Variants in SGCZ observed in about 807,000 individuals in gnomAD.
SGCZ encodes the protein sarcoglycan zeta.
In SGCZ, 40 loss-of-function variants were observed where a neutral mutation model predicts 41.3. The ratio of observed to expected loss-of-function variants is 0.97; its 90% CI spans 0.75 to 1.26. The LOEUF (loss-of-function observed/expected upper bound fraction) is 1.26. SGCZ is among the 50% of genes most tolerant of loss of function. The probability of loss-of-function intolerance (pLI) is 0.00; values close to 1 mark genes in which losing one functional copy is unlikely to be tolerated. For missense variants in SGCZ, 552 were observed against 369.8 expected (o/e 1.49, Z -4.04); for synonymous variants, 206 against 137.5 (o/e 1.50, Z -3.49).
At chr8:14,946,084 C>A (rs1469286016) in intron 1 of SGCZ, among the ~76,000 whole-genome samples, 1 of 110,112 alleles carries the variant, frequency 9.1e-6, no homozygotes, top group Admixed American at 1.1e-4. Flanking sequence ...TTGGTTCTGT[C>A]CTATAGGGGC....
At chr8:14,798,736 T>A (rs1259474889) in intron 1 of SGCZ, among the ~76,000 whole-genome samples, 1 of 150,048 alleles carries the variant, frequency 6.7e-6, no homozygotes, top group African/African-American at 2.4e-5. Context: ...TTCATTTTTA[T>A]ATTAGATTAT....
At chr8:14,891,887 G>A (rs1805032150) in intron 1 of SGCZ, among the ~76,000 whole-genome samples, 1 of 152,134 alleles carries the variant, frequency 6.6e-6, no homozygotes, top group African/African-American at 2.4e-5. Context: ...CTCACTGAAG[G>A]CTCAGATGGT....
At chr8:14,752,698 T>A (rs990208493) in intron 1 of SGCZ, among the ~76,000 whole-genome samples, 3 of 152,130 alleles carry the variant, frequency 2.0e-5, no homozygotes, top group African/African-American at 7.2e-5. Context: ...GAAGGCAGAA[T>A]GAATTCTAGA....
At chr8:14,750,832 C>T (rs1179113060) in intron 1 of SGCZ, among the ~76,000 whole-genome samples, 2 of 152,104 alleles carry the variant, frequency 1.3e-5, no homozygotes, top group Non-Finnish European at 2.9e-5. Flanking sequence ...TATTACTGTG[C>T]CTATTCAGGT....
intron 2 of SGCZ, among the ~76,000 whole-genome samples, chr8:14,360,642 A>G (rs1049889747): frequency 1.3e-5 from 2 of 151,926 alleles, no homozygotes; most frequent in African/African-American, 4.8e-5. Flanking sequence ...TTATTTATTT[A>G]TTTATTTTTT....
chr8:14,398,142 G>T (rs28576208), intron 2 of SGCZ, among the ~76,000 whole-genome samples: 6,038 of 152,188 alleles, frequency 0.04, 365 homozygotes, highest in African/African-American at 0.13. Flanking sequence ...AAACAAAAGA[G>T]TGGAAGGGAA....
intron 1 of SGCZ, among the ~76,000 whole-genome samples, chr8:14,884,887 T>C (rs1214979303): frequency 6.6e-6 from 1 of 152,040 alleles, no homozygotes; most frequent in East Asian, 1.9e-4. Context: ...AACTCACTGG[T>C]TCCAAGTGTA....
Position 14,779,900 on chromosome 8 carries a change from C to G in SGCZ, c.40-224974G>C, listed in dbSNP as rs74708656. Among the ~76,000 whole-genome samples the G allele has an allele frequency of 8.8e-3, 1,343 of 152,202 alleles. 15 individuals are homozygous for G. The highest frequency in any genetic ancestry group is 0.03 in the African/African-American group (1,240 of 41,516). ...AAAGATTACATTTATGTAAATTTGA[C>G]CAACGTATGATCTAGAGATTAGAAA... On this transcript the variant is annotated intron_variant, in intron 1 of 7. Coordinates refer to ENST00000382080, the MANE Select transcript of SGCZ (RefSeq NM_139167.4).
intron 1 of SGCZ, among the ~76,000 whole-genome samples, chr8:14,720,201 A>G (rs1443190525): frequency 6.6e-6 from 1 of 152,030 alleles, no homozygotes; most frequent in African/African-American, 2.4e-5. Context: ...TAAATATTTT[A>G]TACTACTTAC....
chr8:14,661,470 A>C (rs750430915), intron 1 of SGCZ, among the ~76,000 whole-genome samples: 15 of 152,194 alleles, frequency 9.9e-5, no homozygotes, highest in Non-Finnish European at 1.3e-4. Flanking sequence ...GAGTCAGTGC[A>C]ATATCTACAA....
chr8:14,791,500 C>A (rs1800951617), intron 1 of SGCZ, among the ~76,000 whole-genome samples: 1 of 152,050 alleles, frequency 6.6e-6, no homozygotes, highest in Non-Finnish European at 1.5e-5. Flanking sequence ...CACCTAAAAT[C>A]CACATCCCCT....
chr8:14,620,434 C>G (rs1306343563), intron 1 of SGCZ, among the ~76,000 whole-genome samples: 1 of 152,076 alleles, frequency 6.6e-6, no homozygotes, highest in Non-Finnish European at 1.5e-5. Context: ...CCAAAATTGA[C>G]AAATGGGATC....
chr8:15,138,488 T>A (rs1808199535), intron 1 of SGCZ, among the ~76,000 whole-genome samples: 1 of 151,988 alleles, frequency 6.6e-6, no homozygotes, highest in Non-Finnish European at 1.5e-5. Flanking sequence ...GAATTGTAGC[T>A]CCCATAATCC....
chr8:15,082,210 C>A (rs567632541), intron 1 of SGCZ, among the ~76,000 whole-genome samples: 1 of 151,890 alleles, frequency 6.6e-6, no homozygotes, highest in South Asian at 2.1e-4. Flanking sequence ...GCCTGGGCAA[C>A]ATAGCGAGAC....
At position 15,131,720 on chromosome 8, in the gene SGCZ, A is replaced by C. The variant is rs1321748705; in HGVS notation, c.39+105865T>G. Among the ~76,000 whole-genome samples the C allele has an allele frequency of 2.6e-5, 4 of 152,062 alleles. No homozygotes were observed. The East Asian group carries it at 7.8e-4, about 30-fold the overall frequency. On this transcript the variant is annotated intron_variant, in intron 1 of 7. Coordinates refer to ENST00000382080, the MANE Select transcript of SGCZ (RefSeq NM_139167.4). The stretch of plus-strand genomic sequence containing the variant: ...GTTATTGAGTCCCCTAATAGCAACC[A>C]GCTCTGTTCATCATTTATGCCACCA...
At chr8:15,022,717 A>G (rs1803302042) in intron 1 of SGCZ, among the ~76,000 whole-genome samples, 1 of 152,192 alleles carries the variant, frequency 6.6e-6, no homozygotes, top group Admixed American at 6.5e-5. Flanking sequence ...ATGCAATTCT[A>G]TAGAGACAAA....
At chr8:14,641,566 C>G (rs571432063) in intron 1 of SGCZ, among the ~76,000 whole-genome samples, 121 of 151,684 alleles carry the variant, frequency 8.0e-4, no homozygotes, top group African/African-American at 2.7e-3. Flanking sequence ...TTCAGAGGCA[C>G]AGAGAAAAAC....
intron 1 of SGCZ, among the ~76,000 whole-genome samples, chr8:14,566,174 A>G (rs191454140): frequency 6.6e-6 from 1 of 152,384 alleles, no homozygotes; most frequent in Non-Finnish European, 1.5e-5. Flanking sequence ...GAATATTATT[A>G]TATGCTGACT....
intron 1 of SGCZ, among the ~76,000 whole-genome samples, chr8:14,692,485 G>A (rs891508068): frequency 5.9e-5 from 9 of 152,018 alleles, no homozygotes; most frequent in African/African-American, 1.9e-4. Context: ...ATACCATATA[G>A]GAAAGTAATC....
Sources: gnomAD v4.1 joint callset for allele counts (sites outside exome capture counted in the v4.1 genomes callset) on GRCh38, gnomAD v4.1.1 for gene constraint, MANE v1.5 for transcripts, NCBI Gene and HGNC (gene_info 2026-07-23, HGNC 2026-07-21) for gene names.